VSIG4: variants seen among roughly 807,000 people sequenced by gnomAD.
The protein encoded by VSIG4 is V-set and immunoglobulin domain-containing protein 4.
VSIG4 carries 34 observed loss-of-function variants against 23.4 expected under a neutral mutation model. The observed-to-expected ratio is 1.45, with a 90% confidence interval of 1.10 to 1.93. The LOEUF (loss-of-function observed/expected upper bound fraction) is 1.93. Among genes scored for constraint, VSIG4 ranks in the 30% most tolerant of loss-of-function variants. The pLI is 0.00. For synonymous variants in VSIG4, 169 were observed against 120.3 expected (o/e 1.41, Z -2.65); for missense variants, 433 against 310.8 (o/e 1.39, Z -2.96).
chrX:66,031,810 C>T (rs746466623), intron 3 of VSIG4, among the ~76,000 whole-genome samples: 56 of 111,562 alleles, frequency 5.0e-4, no homozygotes, highest in African/African-American at 1.6e-3. Context: ...TCTTGATTAA[C>T]AAGAGCCCAT....
chrX:66,023,390 T>C (rs1416608133), intron 6 of VSIG4, among the ~76,000 whole-genome samples: 5 of 112,131 alleles, frequency 4.5e-5, no homozygotes, highest in Non-Finnish European at 1.9e-5. Flanking sequence ...CTATATTCCG[T>C]ACAGGCTCAA....
chrX:66,028,492 T>A (rs1315917246), intron 3 of VSIG4, among the ~76,000 whole-genome samples: 1 of 106,841 alleles, frequency 9.4e-6, no homozygotes, highest in African/African-American at 3.4e-5. Flanking sequence ...AATGGTGACA[T>A]AATAACCTCC....
At chrX:66,036,973 A>G (rs183729136) in intron 1 of VSIG4, among the ~76,000 whole-genome samples, 7 of 24,160 alleles carry the variant, frequency 2.9e-4, no homozygotes, top group African/African-American at 1.4e-3. Context: ...TATAATATAT[A>G]ATATAATATA....
intron 3 of VSIG4, among the ~76,000 whole-genome samples, chrX:66,029,556 G>A (rs1014699583): frequency 1.4e-4 from 16 of 111,278 alleles, no homozygotes; most frequent in African/African-American, 3.3e-4. Flanking sequence ...TGATGACTTC[G>A]TAAGAATGTA....
intron 3 of VSIG4, among the ~76,000 whole-genome samples, chrX:66,032,149 GATAACT>G (rs1245339856): frequency 6.3e-5 from 7 of 111,788 alleles, no homozygotes; most frequent in South Asian, 3.7e-4. Context: ...TAAGAGTAAT[GATAACT>G]ATCTCATGGG....
intron 2 of VSIG4, 49 bp downstream of exon 2, chrX:66,033,425 C>A (rs1263167341): frequency 9.3e-7 from 1 of 1,080,103 alleles, no homozygotes; most frequent in Admixed American, 2.6e-5. Flanking sequence ...ATTACATCCA[C>A]TATTGATTCA....
chrX:66,023,238 C>T (rs1033034875), intron 6 of VSIG4, among the ~76,000 whole-genome samples: 2 of 110,340 alleles, frequency 1.8e-5, no homozygotes, highest in African/African-American at 6.6e-5. Context: ...AGGCCACATA[C>T]CAGGAAGAAG....
rs1336270044 is a variant in VSIG4 at position 66,032,536 on chromosome X, T to C, written c.626A>G (p.Tyr209Cys). 31 of 1,211,823 alleles carry C rather than the reference T, an allele frequency of 2.6e-5. No homozygotes were observed. The highest frequency in any genetic ancestry group is 3.5e-5 in the Non-Finnish European group (31 of 895,465). Residue 209 changes from tyrosine (Y) to cysteine (C), a missense_variant, in exon 3 of 8, where the codon TAT becomes TGT. Tyr to Cys is a radical substitution (Grantham distance 194). Transcript: ENST00000374737. ...AACCTGGCCCTTGGCAGTGCAGAAA[T>C]AGGAGCCTGAGTCGGCTATCACCGC... ...KPAVIADSGS[Y>C]FCTAKGQVGS...
intron 7 of VSIG4, 137 bp downstream of exon 7, chrX:66,022,704 A>C: frequency 8.7e-7 from 1 of 1,150,276 alleles, no homozygotes; most frequent in Non-Finnish European, 1.2e-6. Flanking sequence ...GAGGGAAGGC[A>C]GCTATGTCCT....
At chrX:66,033,876 C>T in intron 1 of VSIG4, 46 bp from the exon 2 acceptor site, 2 of 1,047,336 alleles carry the variant, frequency 1.9e-6, no homozygotes, top group Non-Finnish European at 2.6e-6. Context: ...GATGGCATAC[C>T]TACTTGGCAA....
rs2085373357 is a variant in VSIG4 at position 66,024,997 on chromosome X, A to G, written c.940+28T>C. On this transcript the variant is annotated intron_variant, in intron 6 of 7. Transcript: ENST00000374737. Reference sequence around the variant, plus strand: ...ACTGACAGAAAGAACAAATGAGCCAAAGCCACCTTCTCATATTCATCACTA... The same window carrying G: ...ACTGACAGAAAGAACAAATGAGCCAGAGCCACCTTCTCATATTCATCACTA... 3.7e-6 allele frequency: 4 copies of G among 1,095,154 alleles called. No homozygotes were observed. In the East Asian group the frequency reaches 9.4e-5, roughly 26 times the overall value. 90.3% of individuals were successfully genotyped at this position (1,095,154 alleles called of 1,213,427 possible).
rs567629387 is a variant in VSIG4, at chrX:66,022,677, T to C, written c.962+164A>G. ...TTGTGTTCAGAGGGCCAAAACAACCTCAGAAGGTGCCTGAGAGAGGGAAGG... is the reference window on the plus strand; with the variant it reads ...TTGTGTTCAGAGGGCCAAAACAACCCCAGAAGGTGCCTGAGAGAGGGAAGG... On this transcript the variant is annotated intron_variant, in intron 7 of 7. Transcript: ENST00000374737. 151 of 1,130,991 alleles carry C rather than the reference T, an allele frequency of 1.3e-4. No individual in the cohort carries two copies. The East Asian group carries it at 3.3e-3, about 25-fold the overall frequency. The allele number at this position is 1,130,991 out of a possible 1,213,427, so 93.2% of individuals were successfully genotyped here.
chrX:66,027,902 C>A, intron 4 of VSIG4, 148 bp downstream of exon 4: 1 of 527,915 alleles, frequency 1.9e-6, no homozygotes, highest in South Asian at 3.0e-5. Flanking sequence ...TGTTACCTTT[C>A]TTTTGTTTCC....
chrX:66,039,022 G>T (rs1355718386), intron 1 of VSIG4, among the ~76,000 whole-genome samples: 1 of 111,692 alleles, frequency 9.0e-6, no homozygotes, highest in African/African-American at 3.3e-5. Context: ...CAGGAGTGTA[G>T]ATGAGGATAG....
intron 1 of VSIG4, among the ~76,000 whole-genome samples, chrX:66,038,622 G>A (rs1030497156): frequency 1.5e-4 from 17 of 111,906 alleles, no homozygotes; most frequent in African/African-American, 5.5e-4. Context: ...CTTGGAGAAG[G>A]TAGAGAGATA....
chrX:66,027,878 T>A (rs1276420895), intron 4 of VSIG4, among the ~76,000 whole-genome samples, 172 bp downstream of exon 4: 1 of 111,885 alleles, frequency 8.9e-6, no homozygotes, highest in East Asian at 2.8e-4. Context: ...AAAAAAAGAG[T>A]ATATATTCAT....
intron 2 of VSIG4, among the ~76,000 whole-genome samples, 160 bp downstream of exon 2, chrX:66,033,314 C>A (rs1307821465): frequency 9.0e-6 from 1 of 111,111 alleles, no homozygotes; most frequent in African/African-American, 3.3e-5. Flanking sequence ...GAATGCTGAC[C>A]CTAAGAATCC....
intron 1 of VSIG4, among the ~76,000 whole-genome samples, chrX:66,036,754 A>T (rs189941272): frequency 2.3e-5 from 1 of 42,581 alleles, no homozygotes; most frequent in South Asian, 1.4e-3. Flanking sequence ...AATAATATAT[A>T]ATATAATATA....
At position 66,027,530 on chromosome X, in the gene VSIG4, T is replaced by C; in HGVS notation, c.758-4A>G. 2 of 1,180,133 alleles carry C rather than the reference T, an allele frequency of 1.7e-6. No homozygotes were observed. Among genetic ancestry groups the C allele is most frequent in the Non-Finnish European group, 2.3e-6 (2 of 872,327 alleles). On this transcript the variant is annotated splice_polypyrimidine_tract_variant and splice_region_variant and intron_variant, in intron 4 of 7. Transcript: ENST00000374737. The stretch of plus-strand genomic sequence containing the variant: ...GACTGCTTCACTGTAGATGTTGCTA[T>C]GAATATAGAGAATAGGGTCAGAGAT...
Sources: gnomAD v4.1 joint callset for allele counts (sites outside exome capture counted in the v4.1 genomes callset) on GRCh38, gnomAD v4.1.1 for gene constraint, MANE v1.5 for transcripts, NCBI Gene and HGNC (gene_info 2026-07-23, HGNC 2026-07-21) for gene names.